Variants in NOTCH3 observed in about 807,000 individuals in gnomAD.
NOTCH3 encodes neurogenic locus notch homolog protein 3.
A neutral mutation model predicts 213.3 loss-of-function variants in NOTCH3; 86 were observed. The observed-to-expected ratio is 0.40, with a 90% CI of 0.34 to 0.48. The LOEUF (loss-of-function observed/expected upper bound fraction) is 0.48, where lower values mean the gene tolerates loss of function less well. NOTCH3 is among the 20% of genes least tolerant of loss of function. The probability of loss-of-function intolerance (pLI) is 0.57; values close to 1 mark genes in which losing one functional copy is unlikely to be tolerated. For synonymous variants in NOTCH3, 1,354 were observed against 1,355.9 expected (o/e 1.00, Z 0.03); for missense variants, 2,783 against 3,272.6 (o/e 0.85, Z 3.65).
chr19:15,199,290 G>A (rs1156741677), intron 1 of NOTCH3, among the ~76,000 whole-genome samples: 1 of 152,194 alleles, frequency 6.6e-6, no homozygotes, highest in African/African-American at 2.4e-5. Context: ...ACCCATACGG[G>A]AATGCACAGA....
chr19:15,181,948 T>A, intron 16 of NOTCH3, 147 bp from the exon 17 acceptor site: 1 of 699,030 alleles, frequency 1.4e-6, no homozygotes, highest in Admixed American at 2.5e-5. Context: ...TCTAAATCCA[T>A]CCCCTTCTGT....
chr19:15,180,048 C>T, intron 20 of NOTCH3, 24 bp downstream of exon 20: 1 of 1,556,852 alleles, frequency 6.4e-7, no homozygotes, highest in Non-Finnish European at 8.9e-7. Context: ...CTCCTCTTCC[C>T]TCTCCTGGGG....
At chr19:15,177,453 A>T (rs2046800798) in intron 24 of NOTCH3, 72 bp downstream of exon 24, 2 of 1,406,318 alleles carry the variant, frequency 1.4e-6, no homozygotes, top group Non-Finnish European at 2.0e-6. Context: ...GTGGAAAGAG[A>T]GGCAGGGCCC....
chr19:15,192,343 C>G (rs919769358), intron 3 of NOTCH3, 34 bp downstream of exon 3: 12 of 1,612,686 alleles, frequency 7.4e-6, no homozygotes, highest in Non-Finnish European at 1.0e-5. Context: ...ACCACACCCC[C>G]GACTACCTCC....
Position 15,177,842 on chromosome 19 carries a change from A to C in NOTCH3, c.4086T>G (p.Ala1362=). 8.2e-7 allele frequency: 1 copy of C among 1,219,810 alleles called. No homozygotes were observed. The highest frequency in any genetic ancestry group is 1.0e-6 in the Non-Finnish European group (1 of 982,104). 75.6% of individuals were successfully genotyped at this position (1,219,810 alleles called of 1,614,324 possible). A position where few individuals can be genotyped will look rare whatever the true frequency, so the allele number is the denominator to read the frequency against. ...GCGGCCCGGTCCAGCCCTGCGCGCAAGCGCAGCGGAAGAAGGGCGCGAGCG... is the reference window on the plus strand; with the variant it reads ...GCGGCCCGGTCCAGCCCTGCGCGCACGCGCAGCGGAAGAAGGGCGCGAGCG... The part of the protein sequence containing the change: ...PAPLAPFFRC[A]CAQGWTGPRC... Residue 1362 remains alanine, a synonymous_variant, in exon 24 of 33, where the codon GCT becomes GCG. Coordinates refer to ENST00000263388, the MANE Select transcript of NOTCH3 (RefSeq NM_000435.3).
At chr19:15,161,967 CTTTTTTTTTCTTGTCTTTTTTTTTT>C (rs2046647942) in intron 32 of NOTCH3, among the ~76,000 whole-genome samples, 1 of 138,780 alleles carries the variant, frequency 7.2e-6, no homozygotes, top group Admixed American at 7.5e-5. Flanking sequence ...TTAGGCATAA[CTTTTTTTTTCTTGTCTTTTTTTTTT>C]TTTTTTTTTG....
rs760472019 is a variant in NOTCH3 at position 15,181,723 on chromosome 19, G to C, written c.2645C>G (p.Pro882Arg). 1.2e-5 allele frequency: 19 copies of C among 1,571,546 alleles called. No individual in the cohort carries two copies. In the Admixed American group the frequency reaches 3.5e-4, roughly 29 times the overall value. The change falls in exon 17 of 33, where the codon CCA becomes CGA. Residue 882 changes from proline (P) to arginine (R), a missense_variant. Pro to Arg is a moderately radical substitution (Grantham distance 103, BLOSUM62 -2). Around this residue, in one of 6 missense-constraint regions of NOTCH3, gnomAD observed 861 missense variants for 909.1 expected, o/e 0.95. Coordinates refer to ENST00000263388, the MANE Select transcript of NOTCH3 (RefSeq NM_000435.3). Reference protein sequence around the residue: ...SCSCLPGFAGPRCARDVDECL... With the variant: ...SCSCLPGFAGRRCARDVDECL... ...CTCATCCACATCGCGGGCGCATCGT[G>C]GGCCGGCGAAACCAGGGAGGCAGGA...
chr19:15,172,823 G>A (rs574101421), intron 25 of NOTCH3, among the ~76,000 whole-genome samples: 8 of 151,102 alleles, frequency 5.3e-5, no homozygotes, highest in African/African-American at 9.7e-5. Flanking sequence ...ACACCACCAC[G>A]CCTGGCTAAT....
rs779936374 is a variant in NOTCH3 at position 15,197,453 on chromosome 19, C to A, written c.197+47G>T. The A allele has an allele frequency of 6.3e-6, 6 of 949,548 alleles. 1 individual carries two copies. Among genetic ancestry groups the A allele is most frequent in the South Asian group, 1.3e-5 (1 of 74,596 alleles). 58.8% of individuals were successfully genotyped at this position (949,548 alleles called of 1,614,324 possible). A position where few individuals can be genotyped will look rare whatever the true frequency, so the allele number is the denominator to read the frequency against. On this transcript the variant is annotated intron_variant, in intron 2 of 32. Transcript: ENST00000263388. The stretch of plus-strand genomic sequence containing the variant: ...GAGAAGACAAATCGCCCCTCCCCCC[C>A]GCCCCCACACACAGGGCCCACTGGT...
In NOTCH3 at chr19:15,181,595, G is replaced by C. The variant is rs184033385; in HGVS notation, c.2773C>G (p.Leu925Val). 4.4e-5 allele frequency: 68 copies of C among 1,550,490 alleles called. No individual in the cohort carries two copies. The highest frequency in any genetic ancestry group is 1.6e-4 in the Admixed American group (8 of 50,984). ...GYGGFHCEQD[L>V]PDCSPSSCFN... is the part of the protein sequence containing the mutation. ...GCCCACCTGGGGCTGCAGTCGGGCA[G>C]GTCCTGTTCGCAGTGGAAGCCTCCG... The change falls in exon 17 of 33, where the codon CTG becomes GTG. Residue 925 changes from leucine to valine, a missense_variant. Leu to Val is a conservative substitution (Grantham distance 32). Transcript: ENST00000263388.
At chr19:15,171,327 T>C (rs6512018) in intron 25 of NOTCH3, among the ~76,000 whole-genome samples, 137,213 of 152,224 alleles carry the variant, frequency 0.9, 62,166 homozygotes, top group African/African-American at 0.98. Flanking sequence ...CCACTGTGCC[T>C]GGCCTGTTTT....
At chr19:15,174,028 C>T in intron 25 of NOTCH3, 40 bp downstream of exon 25, 1 of 1,487,886 alleles carries the variant, frequency 6.7e-7, no homozygotes, top group East Asian at 2.3e-5. Flanking sequence ...CATCTCTCCT[C>T]TCCCCAGCCA....
Position 15,165,569 on chromosome 19 carries a change from A to C in NOTCH3, c.5668-54T>G. Reference sequence around the variant, plus strand: ...GGGTCATGGCAGGAACAGAGGAATCAGGAGCACCCCTAAGTCCCATGAAGT... The same window carrying C: ...GGGTCATGGCAGGAACAGAGGAATCCGGAGCACCCCTAAGTCCCATGAAGT... On this transcript the variant is annotated intron_variant, in intron 30 of 32. Transcript: ENST00000263388. The surrounding 1 kb of genome is among the most constrained non-coding windows in gnomAD (Gnocchi z 4.7). 6.3e-7 allele frequency: 1 copy of C among 1,594,062 alleles called. No homozygotes were observed.
chr19:15,184,154 G>A (rs910872426), intron 16 of NOTCH3, 141 bp downstream of exon 16: 25 of 844,384 alleles, frequency 3.0e-5, no homozygotes, highest in African/African-American at 1.2e-4. Context: ...CAACCTCCTC[G>A]GGCCTCAGTT....
intron 24 of NOTCH3, 115 bp downstream of exon 24, chr19:15,177,410 A>G: frequency 1.1e-6 from 1 of 921,396 alleles, no homozygotes; most frequent in Non-Finnish European, 1.7e-6. Context: ...GATAGAGTGC[A>G]CAGAGAAACA....
intron 2 of NOTCH3, 59 bp downstream of exon 2, chr19:15,197,441 G>GGGGGGGCCCCC: frequency 2.6e-6 from 2 of 768,364 alleles, no homozygotes; most frequent in Non-Finnish European, 4.6e-6. Context: ...AAGACAAATC[G>GGGGGGGCCCCC]CCCCTCCCCC....
At chr19:15,170,647 C>T in intron 26 of NOTCH3, 24 bp downstream of exon 26, 1 of 1,552,438 alleles carries the variant, frequency 6.4e-7, no homozygotes, top group Non-Finnish European at 8.7e-7. Context: ...CCCCCGCCAC[C>T]CCCTCCCCAA....
rs759323108 is a variant in NOTCH3 at position 15,191,945 on chromosome 19, G to C, written c.679+15C>G. 6.2e-6 allele frequency: 10 copies of C among 1,613,608 alleles called. No homozygotes were observed. The highest frequency in any genetic ancestry group is 8.5e-6 in the Non-Finnish European group (10 of 1,180,040). ...ACGCCCACCCCTCTGACTCTCCTGAGTAGGGCTCACTCACCAGGAAGACAG... is the reference window on the plus strand; with the variant it reads ...ACGCCCACCCCTCTGACTCTCCTGACTAGGGCTCACTCACCAGGAAGACAG... On this transcript the variant is annotated intron_variant, in intron 4 of 32. Transcript: ENST00000263388.
chr19:15,179,496 A>G lies in NOTCH3; in HGVS notation c.3328T>C (p.Cys1110Arg). The G allele has an allele frequency of 2.5e-6, 4 of 1,613,932 alleles. No individual in the cohort carries two copies. The highest frequency in any genetic ancestry group is 3.4e-6 in the Non-Finnish European group (4 of 1,180,014). The change falls in exon 21 of 33, where the codon TGT becomes CGT. Residue 1110 changes from cysteine to arginine, a missense_variant and splice_region_variant. Physicochemically the swap from Cys to Arg is radical, Grantham distance 180. This residue lies in a region of NOTCH3 where 861 missense variants were observed against 909.1 expected (regional missense o/e 0.95). Transcript: ENST00000263388. ...RGYMGGYMCE[C>R]LPGYNGDNCE... ...TTATCACCATTGTAGCCAGGAAGAC[A>G]CTTCAGTGGGGTAAGAGAGGGACCC...
Sources: allele counts gnomAD v4.1 joint callset (sites outside exome capture counted in the v4.1 genomes callset), GRCh38; gene constraint gnomAD v4.1.1; regional missense constraint gnomAD v4.1.1; non-coding constraint Gnocchi (gnomAD v3.1); transcripts MANE v1.5; gene names NCBI Gene and HGNC (gene_info 2026-07-23, HGNC 2026-07-21).